ADAM32: variants seen among roughly 807,000 people sequenced by gnomAD.
ADAM32 encodes the protein disintegrin and metalloproteinase domain-containing protein 32.
ADAM32 carries 89 observed loss-of-function variants against 114.9 expected under a neutral mutation model. The observed-to-expected ratio is 0.77, with a 90% confidence interval of 0.65 to 0.92. ADAM32 has a LOEUF of 0.92. Ranked by LOEUF, ADAM32 falls within the 40% of genes least tolerant of loss-of-function variation. The pLI is 0.00. For synonymous variants in ADAM32, 285 were observed against 307.5 expected (o/e 0.93, Z 0.77); for missense variants, 870 against 932.8 (o/e 0.93, Z 0.88).
chr8:39,236,629 A>G (rs1052522551), intron 16 of ADAM32, among the ~76,000 whole-genome samples: 1 of 152,174 alleles, frequency 6.6e-6, no homozygotes, highest in Non-Finnish European at 1.5e-5. Context: ...TCAGCGTGGT[A>G]CATTTGTAAT....
intron 6 of ADAM32, among the ~76,000 whole-genome samples, chr8:39,153,328 C>T (rs753142325): frequency 2.0e-5 from 3 of 152,164 alleles, no homozygotes; most frequent in South Asian, 4.1e-4. Flanking sequence ...CCCAGTGTAG[C>T]GAACAATGTC....
At chr8:39,227,952 A>G (rs1809496450) in intron 14 of ADAM32, among the ~76,000 whole-genome samples, 1 of 152,210 alleles carries the variant, frequency 6.6e-6, no homozygotes, top group South Asian at 2.1e-4. Context: ...CTCCACCAGA[A>G]CAGTCGCTGG....
intron 9 of ADAM32, chr8:39,169,108 A>G (rs1805034042): frequency 6.6e-6 from 1 of 152,218 alleles, no homozygotes; most frequent in Admixed American, 6.5e-5. Flanking sequence ...AGTGCACTTG[A>G]GACAGAAGGG....
At chr8:39,239,086 T>A (rs1810386144) in intron 16 of ADAM32, among the ~76,000 whole-genome samples, 1 of 152,142 alleles carries the variant, frequency 6.6e-6, no homozygotes, top group Non-Finnish European at 1.5e-5. Flanking sequence ...GGAAAATTTA[T>A]CACAAGAAGA....
intron 3 of ADAM32, 67 bp downstream of exon 3, chr8:39,136,785 A>G (rs1408845600): frequency 9.3e-7 from 1 of 1,073,808 alleles, no homozygotes; most frequent in Non-Finnish European, 1.3e-6. Context: ...TGCAATAGAA[A>G]ATGGAGTATG....
At chr8:39,222,532 GAA>G (rs1172331127) in intron 13 of ADAM32, among the ~76,000 whole-genome samples, 2 of 151,932 alleles carry the variant, frequency 1.3e-5, no homozygotes, top group African/African-American at 2.4e-5. Flanking sequence ...TGATTTGAGA[GAA>G]AGATTCTAGT....
intron 14 of ADAM32, among the ~76,000 whole-genome samples, chr8:39,224,842 G>T (rs924256631): frequency 6.6e-5 from 10 of 152,090 alleles, no homozygotes; most frequent in African/African-American, 1.9e-4. Context: ...GTCCATCTAA[G>T]AACCCTCTGG....
intron 10 of ADAM32, among the ~76,000 whole-genome samples, chr8:39,179,821 GA>G (rs1399471088): frequency 1.3e-5 from 2 of 152,230 alleles, no homozygotes; most frequent in African/African-American, 2.4e-5. Flanking sequence ...TGAAAGTGTA[GA>G]ATTTGCTTGC....
intron 10 of ADAM32, among the ~76,000 whole-genome samples, chr8:39,182,301 A>C (rs1272346608): frequency 2.6e-5 from 4 of 152,364 alleles, no homozygotes; most frequent in Admixed American, 2.6e-4. Flanking sequence ...CAAGTTAAAC[A>C]GTAAAGCTCT....
chr8:39,226,364 G>T (rs768484714), intron 14 of ADAM32, among the ~76,000 whole-genome samples: 1 of 152,084 alleles, frequency 6.6e-6, no homozygotes, highest in Non-Finnish European at 1.5e-5. Flanking sequence ...TCTTAGGAAA[G>T]ATATAAGTGT....
In ADAM32 at chr8:39,179,998, G is replaced by A. The variant is rs576644925; in HGVS notation, c.916-6911G>A. Among the ~76,000 whole-genome samples the A allele has an allele frequency of 7.3e-3, 1,115 of 152,240 alleles. 8 individuals are homozygous for A. Among genetic ancestry groups the A allele is most frequent in the South Asian group, 0.015 (74 of 4,828 alleles). ...TTGCTCTCGGTGCCTCCTCTGCCTG[G>A]GCTCCCACTTTGGCAGCACTTGAGG... is the stretch of plus-strand genomic sequence containing the variant. On this transcript the variant is annotated intron_variant, in intron 10 of 24. Coordinates refer to ENST00000379907, the MANE Select transcript of ADAM32 (RefSeq NM_145004.7).
At chr8:39,142,492 G>C (rs538591465) in intron 3 of ADAM32, among the ~76,000 whole-genome samples, 1 of 152,110 alleles carries the variant, frequency 6.6e-6, no homozygotes, top group Non-Finnish European at 1.5e-5. Flanking sequence ...GAGATTCTGG[G>C]TTGAAAATTC....
chr8:39,196,575 G>A (rs1434472028), intron 11 of ADAM32, among the ~76,000 whole-genome samples: 1 of 152,072 alleles, frequency 6.6e-6, no homozygotes, highest in Non-Finnish European at 1.5e-5. Flanking sequence ...TGCATTTTCT[G>A]TGGCTATTGA....
chr8:39,190,571 T>A (rs1476652643), intron 11 of ADAM32, among the ~76,000 whole-genome samples: 1 of 152,240 alleles, frequency 6.6e-6, no homozygotes, highest in Non-Finnish European at 1.5e-5. Context: ...TTTATGTTGT[T>A]TGATAATAAC....
intron 11 of ADAM32, among the ~76,000 whole-genome samples, chr8:39,203,637 G>A (rs1032668732): frequency 1.8e-4 from 27 of 152,146 alleles, no homozygotes; most frequent in Admixed American, 6.6e-5. Flanking sequence ...TTACAATTAA[G>A]GTTAATATTG....
intron 18 of ADAM32, among the ~76,000 whole-genome samples, chr8:39,256,892 G>C (rs200108888): frequency 6.6e-6 from 1 of 151,916 alleles, no homozygotes; most frequent in African/African-American, 2.4e-5. Flanking sequence ...ACAATCCCAC[G>C]TTGTATATCA....
chr8:39,223,040 A>G lies in ADAM32; in HGVS notation c.1327A>G (p.Ile443Val), dbSNP rs1292137920. The change falls in exon 14 of 25, where the codon ATT (isoleucine) becomes GTT (valine). Residue 443 changes from isoleucine to valine, a missense_variant and splice_region_variant. Coordinates refer to ENST00000379907, the MANE Select transcript of ADAM32 (RefSeq NM_145004.7). ...TTTTTTATGTTCTAACTTCTCTTAG[A>G]TTTTACAATCAGGCGTTGAATGTAG... The part of the protein sequence containing the change: ...YKGLCCKDCQ[I>V]LQSGVECRPK... 2 of 1,565,970 alleles carry G rather than the reference A, an allele frequency of 1.3e-6. No individual in the cohort carries two copies. Among genetic ancestry groups the G allele is most frequent in the Middle Eastern group, 1.7e-4 (1 of 5,982 alleles).
chr8:39,165,243 G>T, intron 9 of ADAM32, 47 bp downstream of exon 9: 1 of 1,289,676 alleles, frequency 7.8e-7, no homozygotes, highest in Non-Finnish European at 1.0e-6. Context: ...AAAGACCTGT[G>T]ATAATTATGT....
At chr8:39,283,923 G>C (rs1001957496) in intron 24 of ADAM32, among the ~76,000 whole-genome samples, 2 of 152,002 alleles carry the variant, frequency 1.3e-5, no homozygotes, top group Non-Finnish European at 2.9e-5. Context: ...ACAGGCGTGT[G>C]CCGCCATGCC....
Sources: gnomAD v4.1 joint callset for allele counts (sites outside exome capture counted in the v4.1 genomes callset) on GRCh38, gnomAD v4.1.1 for gene constraint, MANE v1.5 for transcripts, NCBI Gene and HGNC (gene_info 2026-07-23, HGNC 2026-07-21) for gene names.